Variants in NELL1 observed in about 807,000 individuals in gnomAD.
NELL1 encodes the protein neural EGFL like 1, also known as protein kinase C-binding protein NELL1.
Under a neutral mutation model 107.4 loss-of-function variants are expected in NELL1, and 76 were observed. The ratio of observed to expected loss-of-function variants is 0.71; its 90% CI spans 0.59 to 0.86. NELL1 has a LOEUF of 0.86. Ranked by LOEUF, NELL1 falls within the 40% of genes least tolerant of loss-of-function variation. The probability of loss-of-function intolerance (pLI) is 0.00; values close to 1 mark genes in which losing one functional copy is unlikely to be tolerated. For synonymous variants in NELL1, 353 were observed against 341.2 expected (o/e 1.03, Z -0.38); for missense variants, 1,024 against 1,005.5 (o/e 1.02, Z -0.25).
intron 13 of NELL1, among the ~76,000 whole-genome samples, chr11:21,160,382 C>T (rs868505330): frequency 3.9e-5 from 6 of 152,056 alleles, no homozygotes; most frequent in South Asian, 2.1e-4. Context: ...AGATACCATC[C>T]GACATGGTGT....
At chr11:21,125,156 G>C (rs11025935) in intron 13 of NELL1, among the ~76,000 whole-genome samples, 4 of 152,042 alleles carry the variant, frequency 2.6e-5, no homozygotes, top group Admixed American at 2.0e-4. Context: ...TTCTATGAAG[G>C]GTTTTCAGAA....
rs7940427 is a variant in NELL1, at chr11:21,013,577, T to A, written c.1300+53017T>A. ...TTATCTGCTAAGGATGTATTTCCCCTCTTTCTCTCTTTTTTAATGAGCTTC... is the reference window on the plus strand; with the variant it reads ...TTATCTGCTAAGGATGTATTTCCCCACTTTCTCTCTTTTTTAATGAGCTTC... On this transcript the variant is annotated intron_variant, in intron 12 of 19. Coordinates refer to ENST00000357134, the MANE Select transcript of NELL1 (RefSeq NM_006157.5). Among the ~76,000 whole-genome samples the A allele has an allele frequency of 6.9e-3, 1,051 of 152,226 alleles. 14 individuals carry two copies. The highest frequency in any genetic ancestry group is 0.024 in the African/African-American group (985 of 41,548).
intron 12 of NELL1, among the ~76,000 whole-genome samples, chr11:21,022,925 G>A (rs1458478529): frequency 6.6e-6 from 1 of 152,036 alleles, no homozygotes; most frequent in Non-Finnish European, 1.5e-5. Context: ...AGGGAAACAG[G>A]CAGGACCCTA....
Position 21,109,192 on chromosome 11 carries a change from C to T in NELL1, c.1301-4397C>T, listed in dbSNP as rs551454099. Among the ~76,000 whole-genome samples the T allele has an allele frequency of 5.3e-5, 8 of 152,132 alleles. No individual in the cohort carries two copies. In the South Asian group the frequency reaches 6.2e-4, roughly 12 times the overall value. On this transcript the variant is annotated intron_variant, in intron 12 of 19. Transcript: ENST00000357134. ...GAGATGCTCCATATAAAGTATCTAGCATAGTGTCTGATACCTAAAAAACAG... is the reference window on the plus strand; with the variant it reads ...GAGATGCTCCATATAAAGTATCTAGTATAGTGTCTGATACCTAAAAAACAG...
chr11:21,331,139 TC>T (rs1019057288), intron 14 of NELL1, among the ~76,000 whole-genome samples: 17 of 152,236 alleles, frequency 1.1e-4, no homozygotes, highest in African/African-American at 3.8e-4. Context: ...AGCATATTTT[TC>T]TTTAGTACTT....
At chr11:21,289,570 A>T (rs1451057970) in intron 14 of NELL1, among the ~76,000 whole-genome samples, 1 of 152,202 alleles carries the variant, frequency 6.6e-6, no homozygotes, top group East Asian at 1.9e-4. Context: ...GGTTTCAAGC[A>T]CAAAACTGGG....
At chr11:21,386,120 A>T (rs72960092) in intron 15 of NELL1, among the ~76,000 whole-genome samples, 13,899 of 151,040 alleles carry the variant, frequency 0.092, 820 homozygotes, top group South Asian at 0.16. Flanking sequence ...TCTTCTTACC[A>T]CCCATCCCTG....
intron 15 of NELL1, among the ~76,000 whole-genome samples, chr11:21,379,832 T>C (rs1472945103): frequency 1.3e-5 from 2 of 152,086 alleles, no homozygotes; most frequent in African/African-American, 4.8e-5. Flanking sequence ...AACAAAGACT[T>C]CTGTGCTCTT....
intron 15 of NELL1, among the ~76,000 whole-genome samples, chr11:21,504,422 T>A (rs1191575324): frequency 1.3e-5 from 2 of 152,028 alleles, no homozygotes; most frequent in Admixed American, 1.3e-4. Context: ...GGAGGAGGAG[T>A]TGGAACTTAA....
chr11:21,226,434 T>G (rs2133879697), intron 13 of NELL1, among the ~76,000 whole-genome samples: 1 of 152,332 alleles, frequency 6.6e-6, no homozygotes, highest in East Asian at 1.9e-4. Context: ...AATCTGAGTT[T>G]CTCTACTTAC....
intron 7 of NELL1, 37 bp from the exon 8 acceptor site, chr11:20,927,271 A>G (rs774548006): frequency 6.3e-7 from 1 of 1,579,994 alleles, no homozygotes; most frequent in East Asian, 2.3e-5. Flanking sequence ...GATGCAATTG[A>G]ATTACAGAAA....
intron 13 of NELL1, among the ~76,000 whole-genome samples, chr11:21,165,758 CTTTTT>C (rs34509347): frequency 1.0e-5 from 1 of 98,506 alleles, no homozygotes. Context: ...ACAATGAGAT[CTTTTT>C]TTTTTTTTTT....
intron 13 of NELL1, among the ~76,000 whole-genome samples, chr11:21,203,197 ATCTG>A (rs1243108829): frequency 2.0e-5 from 3 of 151,628 alleles, no homozygotes; most frequent in Admixed American, 6.6e-5. Flanking sequence ...TGTCTCATTG[ATCTG>A]TCTAATATGG....
chr11:20,789,116 C>A (rs1001527029), intron 3 of NELL1, among the ~76,000 whole-genome samples: 1 of 152,160 alleles, frequency 6.6e-6, no homozygotes, highest in Admixed American at 6.5e-5. Flanking sequence ...GACCAGAAAC[C>A]TGTGGCTGGT....
intron 15 of NELL1, among the ~76,000 whole-genome samples, chr11:21,385,346 C>T (rs923641491): frequency 2.0e-5 from 3 of 151,948 alleles, no homozygotes; most frequent in Admixed American, 6.6e-5. Context: ...CTTTTAGTTT[C>T]GTATTAGTCT....
At chr11:20,815,120 A>C (rs1267393696) in intron 3 of NELL1, among the ~76,000 whole-genome samples, 3 of 152,010 alleles carry the variant, frequency 2.0e-5, no homozygotes, top group Non-Finnish European at 2.9e-5. Context: ...GCTGGAGTGC[A>C]GTGGTGTAAT....
At chr11:20,824,608 A>G (rs547933360) in intron 3 of NELL1, among the ~76,000 whole-genome samples, 2 of 151,434 alleles carry the variant, frequency 1.3e-5, no homozygotes, top group Admixed American at 6.6e-5. Flanking sequence ...AATATGGACA[A>G]TGAAGTCGAG....
chr11:21,250,689 C>A (rs751534820), intron 14 of NELL1, among the ~76,000 whole-genome samples: 1 of 152,136 alleles, frequency 6.6e-6, no homozygotes, highest in Non-Finnish European at 1.5e-5. Flanking sequence ...TTATCTTGAG[C>A]AAAACACTCT....
chr11:21,528,138 T>C (rs2133963800), intron 15 of NELL1, among the ~76,000 whole-genome samples: 1 of 152,292 alleles, frequency 6.6e-6, no homozygotes, highest in Non-Finnish European at 1.5e-5. Context: ...TCTTGGAATG[T>C]GGGGATTATA....
Sources: gnomAD v4.1 joint callset for allele counts (sites outside exome capture counted in the v4.1 genomes callset) on GRCh38, gnomAD v4.1.1 for gene constraint, MANE v1.5 for transcripts, NCBI Gene and HGNC (gene_info 2026-07-23, HGNC 2026-07-21) for gene names.